The following LYPLAL1 variants were observed in gnomAD, a reference collection of about 807,000 sequenced individuals.
LYPLAL1 encodes lysophospholipase like 1.
A neutral mutation model predicts 19.7 loss-of-function variants in LYPLAL1; 23 were observed. That is an observed-to-expected ratio of 1.17 (90% CI 0.84 to 1.65). The LOEUF (loss-of-function observed/expected upper bound fraction) is 1.65, where lower values mean the gene tolerates loss of function less well. Ranked by LOEUF, LYPLAL1 falls within the 40% of genes most tolerant of loss-of-function variation. The probability of loss-of-function intolerance (pLI) is 0.00; values close to 1 mark genes in which losing one functional copy is unlikely to be tolerated. For synonymous variants in LYPLAL1, 119 were observed against 96.3 expected (o/e 1.24, Z -1.38); for missense variants, 355 against 279.4 (o/e 1.27, Z -1.93).
chr1:219,367,171 A>G, the LYPLAL1 span, among the ~76,000 whole-genome samples: 1 of 152,126 alleles, frequency 6.6e-6, no homozygotes, highest in South Asian at 2.1e-4. Context: ...AAACAAGTAA[A>G]CAAAAGGCAT....
the LYPLAL1 span, among the ~76,000 whole-genome samples, chr1:219,419,614 C>G: frequency 3.2e-3 from 224 of 69,818 alleles, 2 homozygotes; most frequent in African/African-American, 0.011. Context: ...GAGAGAGAGA[C>G]AAATGTGCTT....
At chr1:219,295,396 T>C in the LYPLAL1 span, among the ~76,000 whole-genome samples, 1 of 152,290 alleles carries the variant, frequency 6.6e-6, no homozygotes, top group African/African-American at 2.4e-5. Context: ...TTTGTCTTGA[T>C]TTGCTATTTT....
At chr1:219,208,553 C>CTA (rs1658755148) in intron 3 of LYPLAL1, among the ~76,000 whole-genome samples, 1 of 152,050 alleles carries the variant, frequency 6.6e-6, no homozygotes, top group South Asian at 2.1e-4. Context: ...GTGCAAAGCA[C>CTA]TATACTTACC....
At chr1:219,380,387 A>C in the LYPLAL1 span, among the ~76,000 whole-genome samples, 20 of 152,224 alleles carry the variant, frequency 1.3e-4, no homozygotes, top group Non-Finnish European at 2.2e-4. Flanking sequence ...TACACAAGCC[A>C]ATGGGAGTCC....
At chr1:219,206,602 A>T (rs1326317760) in intron 3 of LYPLAL1, among the ~76,000 whole-genome samples, 1 of 152,082 alleles carries the variant, frequency 6.6e-6, no homozygotes, top group African/African-American at 2.4e-5. Flanking sequence ...ATAATATTTC[A>T]ATGAGTATAT....
chr1:219,340,695 A>AT, the LYPLAL1 span, among the ~76,000 whole-genome samples: 1,414 of 152,130 alleles, frequency 9.3e-3, 7 homozygotes, highest in Non-Finnish European at 0.013. Context: ...GTCATTAAAA[A>AT]ATATATATAT....
chr1:219,345,248 G>A, the LYPLAL1 span, among the ~76,000 whole-genome samples: 46 of 152,138 alleles, frequency 3.0e-4, no homozygotes, highest in African/African-American at 1.1e-3. Context: ...ACTCTCATGA[G>A]AATTAATATC....
the LYPLAL1 span, among the ~76,000 whole-genome samples, chr1:219,401,281 C>T: frequency 7.5e-6 from 1 of 133,296 alleles, no homozygotes; most frequent in Non-Finnish European, 1.7e-5. Flanking sequence ...AAGTAATGCT[C>T]TTAACAAAAA....
the LYPLAL1 span, among the ~76,000 whole-genome samples, chr1:219,232,146 A>AT: frequency 6.6e-6 from 1 of 152,112 alleles, no homozygotes; most frequent in Admixed American, 6.6e-5. Flanking sequence ...TGGAAAGGGT[A>AT]TTTTTTACTA....
the LYPLAL1 span, among the ~76,000 whole-genome samples, chr1:219,230,943 G>A: frequency 3.8e-3 from 583 of 152,196 alleles, 3 homozygotes; most frequent in African/African-American, 0.014. Context: ...ACCCACCCAC[G>A]TGGGCATTGT....
the LYPLAL1 span, among the ~76,000 whole-genome samples, chr1:219,274,331 T>C: frequency 6.6e-6 from 1 of 152,130 alleles, no homozygotes; most frequent in Non-Finnish European, 1.5e-5. Flanking sequence ...AATGATAAAA[T>C]AGAAGACTTC....
the LYPLAL1 span, among the ~76,000 whole-genome samples, chr1:219,221,509 T>A: frequency 6.6e-6 from 1 of 152,180 alleles, no homozygotes; most frequent in Non-Finnish European, 1.5e-5. Flanking sequence ...AACTGAAATA[T>A]CAAGTCAAAG....
the LYPLAL1 span, among the ~76,000 whole-genome samples, chr1:219,337,054 G>A: frequency 5.9e-5 from 9 of 151,938 alleles, no homozygotes; most frequent in Admixed American, 4.6e-4. Flanking sequence ...GCCTGTGACT[G>A]CATTACATCA....
the LYPLAL1 span, among the ~76,000 whole-genome samples, chr1:219,430,870 T>C: frequency 6.6e-6 from 1 of 152,120 alleles, no homozygotes; most frequent in East Asian, 1.9e-4. Flanking sequence ...AGAGATGGGG[T>C]CTCACTATAT....
chr1:219,429,599 G>T, the LYPLAL1 span, among the ~76,000 whole-genome samples: 6 of 152,268 alleles, frequency 3.9e-5, no homozygotes, highest in South Asian at 1.2e-3. Flanking sequence ...TGAGGATGTG[G>T]TGAGCTATGA....
the LYPLAL1 span, among the ~76,000 whole-genome samples, chr1:219,268,566 T>G: frequency 6.6e-6 from 1 of 152,240 alleles, no homozygotes; most frequent in South Asian, 2.1e-4. Flanking sequence ...GTACTTTTAC[T>G]TTTTCTCTGA....
chr1:219,268,761 G>T, the LYPLAL1 span, among the ~76,000 whole-genome samples: 4 of 152,256 alleles, frequency 2.6e-5, no homozygotes, highest in Admixed American at 6.5e-5. Context: ...CACAAAAGCA[G>T]GCTTCATTAT....
In LYPLAL1 at chr1:219,210,559, CA is replaced by C; in HGVS notation, c.391del (p.Ile131TyrfsTer3). 3.1e-6 allele frequency: 5 copies of C among 1,607,188 alleles called. No individual in the cohort carries two copies. Among genetic ancestry groups the C allele is most frequent in the Non-Finnish European group, 4.3e-6 (5 of 1,175,916 alleles). On this transcript the variant is annotated frameshift_variant, in exon 4 of 5. Transcript: ENST00000366928. LOFTEE classifies it high-confidence loss of function. ...IGGFSMGGCM[A>X]IHLAYRNHQD... The stretch of plus-strand genomic sequence containing the variant: ...GGATTCTCTATGGGAGGATGCATGG[CA>C]ATACATTTAGCATATAGAAATCATC...
the LYPLAL1 span, among the ~76,000 whole-genome samples, chr1:219,261,870 G>A: frequency 7.6e-4 from 116 of 152,220 alleles, no homozygotes; most frequent in East Asian, 1.9e-3. Context: ...TTCTTTGAGC[G>A]CCTTGTATTT....
Sources: allele counts gnomAD v4.1 joint callset (sites outside exome capture counted in the v4.1 genomes callset), GRCh38; gene constraint gnomAD v4.1.1; transcripts MANE v1.5; gene names NCBI Gene and HGNC (gene_info 2026-07-23, HGNC 2026-07-21).